RABGAP1: variants seen among roughly 807,000 people sequenced by gnomAD.
The protein encoded by RABGAP1 is RAB GTPase activating protein 1, also known as rab GTPase-activating protein 1.
A neutral mutation model predicts 137.6 loss-of-function variants in RABGAP1; 23 were observed. That is an observed-to-expected ratio of 0.17 (90% CI 0.12 to 0.24). The LOEUF is 0.24. Among genes scored for constraint, RABGAP1 ranks in the 10% least tolerant of loss-of-function variants. RABGAP1 has a pLI of 1.00. For missense variants in RABGAP1, 906 were observed against 1,275.8 expected (o/e 0.71, Z 4.42); for synonymous variants, 451 against 450.7 (o/e 1.00, Z -0.01).
intron 21 of RABGAP1, 54 bp downstream of exon 21, chr9:123,090,439 C>T (rs1454843655): frequency 3.6e-6 from 5 of 1,384,856 alleles, no homozygotes; most frequent in East Asian, 4.9e-5. Flanking sequence ...TGACTTTTCC[C>T]CTCAAGAGAA....
chr9:123,098,880 C>T, intron 23 of RABGAP1, 82 bp downstream of exon 23: 1 of 717,306 alleles, frequency 1.4e-6, no homozygotes, highest in South Asian at 1.7e-5. Flanking sequence ...CCCCCACCCC[C>T]AAACCCAAAT....
At chr9:122,960,310 A>G (rs1052625079) in intron 2 of RABGAP1, among the ~76,000 whole-genome samples, 1 of 152,210 alleles carries the variant, frequency 6.6e-6, no homozygotes, top group Non-Finnish European at 1.5e-5. Context: ...CATTGTTGAA[A>G]TCATTACAGG....
chr9:123,104,138 C>T lies in RABGAP1; in HGVS notation c.*925C>T, dbSNP rs2035432380. ...CACTCAAGGTTCATTGGGCTCTGCT[C>T]TCCTCCCTGCCATTACGGGAGCTGT... On this transcript the variant is annotated 3_prime_UTR_variant, in exon 26 of 26. Coordinates refer to ENST00000373647, the MANE Select transcript of RABGAP1 (RefSeq NM_012197.4). The T allele has an allele frequency of 1.3e-5, 2 of 152,586 alleles. No homozygotes were observed. Among genetic ancestry groups the T allele is most frequent in the Admixed American group, 1.3e-4 (2 of 15,280 alleles). The allele number at this position is 152,586 out of a possible 1,614,324, so 9.5% of individuals were successfully genotyped here. A position where few individuals can be genotyped will look rare whatever the true frequency, so the allele number is the denominator to read the frequency against.
chr9:122,988,534 ATTTCTGTCCT>A (rs1425588053), intron 4 of RABGAP1, among the ~76,000 whole-genome samples: 21 of 143,532 alleles, frequency 1.5e-4, no homozygotes, highest in Non-Finnish European at 2.5e-4. Context: ...ATTTTGTATA[ATTTCTGTCCT>A]TATTTTCCAT....
intron 1 of RABGAP1, among the ~76,000 whole-genome samples, chr9:122,948,819 G>C (rs893169580): frequency 1.3e-5 from 2 of 152,142 alleles, no homozygotes; most frequent in African/African-American, 4.8e-5. Flanking sequence ...CATGCATGTA[G>C]AGTAGCATGT....
intron 19 of RABGAP1, among the ~76,000 whole-genome samples, chr9:123,082,070 AT>A (rs531295164): frequency 0.014 from 2,082 of 144,130 alleles, 21 homozygotes; most frequent in African/African-American, 0.017. Flanking sequence ...GCCCTTGGAA[AT>A]TTTTTTTTTT....
At chr9:123,081,464 T>C in intron 19 of RABGAP1, among the ~76,000 whole-genome samples, 1 of 152,156 alleles carries the variant, frequency 6.6e-6, no homozygotes. Context: ...TTGAGAAGGG[T>C]CTTGCTCTGT....
intron 1 of RABGAP1, among the ~76,000 whole-genome samples, chr9:122,942,949 T>A (rs1480317957): frequency 6.6e-6 from 1 of 152,072 alleles, no homozygotes; most frequent in Non-Finnish European, 1.5e-5. Flanking sequence ...AGTTCAAGAC[T>A]GCAGTAAGCT....
intron 13 of RABGAP1, 83 bp downstream of exon 13, chr9:123,020,542 A>G (rs1233694993): frequency 7.9e-7 from 1 of 1,262,066 alleles, no homozygotes; most frequent in Admixed American, 2.9e-5. Context: ...TTGACTTATA[A>G]GAAGTGTTTA....
At chr9:123,069,973 C>T (rs778660862) in intron 14 of RABGAP1, among the ~76,000 whole-genome samples, 2 of 152,174 alleles carry the variant, frequency 1.3e-5, no homozygotes, top group Non-Finnish European at 2.9e-5. Context: ...GAGAGGAATT[C>T]ATTCTGGGGG....
chr9:122,956,137 G>A (rs1246335228), intron 1 of RABGAP1, among the ~76,000 whole-genome samples: 3 of 152,164 alleles, frequency 2.0e-5, no homozygotes, highest in South Asian at 4.1e-4. Context: ...TTCATATTGA[G>A]CTGAGTTCTA....
chr9:123,065,250 A>G (rs1265731057), intron 13 of RABGAP1, 98 bp from the exon 14 acceptor site: 1 of 839,816 alleles, frequency 1.2e-6, no homozygotes, highest in Non-Finnish European at 1.9e-6. Flanking sequence ...TGTCCCTGCA[A>G]CATTTAAAGT....
chr9:122,935,520 A>C, the RABGAP1 span, among the ~76,000 whole-genome samples: 4 of 151,862 alleles, frequency 2.6e-5, no homozygotes, highest in African/African-American at 7.3e-5. Flanking sequence ...TTCTATTCTT[A>C]GTAGAGATGG....
chr9:123,007,772 T>C (rs2030429744), intron 10 of RABGAP1, among the ~76,000 whole-genome samples: 1 of 150,946 alleles, frequency 6.6e-6, no homozygotes, highest in Non-Finnish European at 1.5e-5. Context: ...AGTCATCTTA[T>C]CCAGGAACAT....
intron 9 of RABGAP1, among the ~76,000 whole-genome samples, chr9:122,998,259 C>T (rs964301127): frequency 2.0e-5 from 3 of 152,072 alleles, no homozygotes; most frequent in Non-Finnish European, 4.4e-5. Flanking sequence ...GCCAACATAC[C>T]TGGCTAATTT....
intron 21 of RABGAP1, among the ~76,000 whole-genome samples, chr9:123,095,202 G>C (rs1007126174): frequency 3.6e-5 from 5 of 137,514 alleles, no homozygotes; most frequent in African/African-American, 1.3e-4. Flanking sequence ...ACTCCAGCCT[G>C]GGTGACAGAG....
intron 11 of RABGAP1, among the ~76,000 whole-genome samples, chr9:123,011,358 T>A (rs1158719516): frequency 6.6e-6 from 1 of 152,210 alleles, no homozygotes; most frequent in Non-Finnish European, 1.5e-5. Flanking sequence ...TCAGTGGAGT[T>A]CCTTGGAATT....
At chr9:123,064,475 A>G (rs1403753215) in intron 13 of RABGAP1, among the ~76,000 whole-genome samples, 1 of 152,198 alleles carries the variant, frequency 6.6e-6, no homozygotes, top group East Asian at 1.9e-4. Flanking sequence ...GAAGAACATC[A>G]CTTGCATTTT....
chr9:122,944,656 C>T (rs529059581), intron 1 of RABGAP1, among the ~76,000 whole-genome samples: 132 of 152,102 alleles, frequency 8.7e-4, no homozygotes, highest in African/African-American at 2.8e-3. Flanking sequence ...CTGCAACCTC[C>T]GCCTTCCGGG....
Sources: allele counts gnomAD v4.1 joint callset (sites outside exome capture counted in the v4.1 genomes callset), GRCh38; gene constraint gnomAD v4.1.1; transcripts MANE v1.5; gene names NCBI Gene and HGNC (gene_info 2026-07-23, HGNC 2026-07-21).